The following SH3BP4 variants were observed in gnomAD, a reference collection of about 807,000 sequenced individuals.
SH3BP4 encodes SH3 domain-binding protein 4.
SH3BP4 carries 33 observed loss-of-function variants against 65.5 expected under a neutral mutation model. The ratio of observed to expected loss-of-function variants is 0.50; its 90% CI spans 0.38 to 0.67. The LOEUF (loss-of-function observed/expected upper bound fraction) is 0.67. Among genes scored for constraint, SH3BP4 ranks in the 30% least tolerant of loss-of-function variants. SH3BP4 has a pLI of 0.00. For synonymous variants in SH3BP4, 552 were observed against 545.5 expected, an observed-to-expected ratio of 1.01 and a Z score of -0.17; for missense variants, 1,134 against 1,261.4, an observed-to-expected ratio of 0.90 and a Z score of 1.53.
intron 2 of SH3BP4, among the ~76,000 whole-genome samples, chr2:235,031,998 T>A (rs1695217791): frequency 6.6e-6 from 1 of 152,234 alleles, no homozygotes; most frequent in African/African-American, 2.4e-5. Flanking sequence ...CTGGCATGAA[T>A]GTGAAACCAG....
chr2:234,987,067 C>T (rs1265826381), intron 1 of SH3BP4, among the ~76,000 whole-genome samples: 2 of 152,058 alleles, frequency 1.3e-5, no homozygotes, highest in African/African-American at 2.4e-5. Context: ...CCACCCCGCC[C>T]GGCCTGCTAA....
chr2:235,055,398 T>C lies in SH3BP4; in HGVS notation c.*1582T>C, dbSNP rs921115461. The C allele has an allele frequency of 6.6e-6, 1 of 152,644 alleles. No individual in the cohort carries two copies. Among genetic ancestry groups the C allele is most frequent in the Non-Finnish European group, 1.5e-5 (1 of 68,044 alleles). The allele number at this position is 152,644 out of a possible 1,614,324, so 9.5% of individuals were successfully genotyped here. On this transcript the variant is annotated 3_prime_UTR_variant, in exon 6 of 6. Coordinates refer to ENST00000392011, the MANE Select transcript of SH3BP4 (RefSeq NM_014521.3). ...AGAACAAACATTAGCTATTTTATGC[T>C]GCAAGAACCAGGACACACAATTCGC...
rs935470178 is a variant in SH3BP4, at chr2:234,954,650, T to C, written c.-207+2480T>C. On this transcript the variant is annotated intron_variant, in intron 1 of 5. Transcript: ENST00000392011. ...ATTATTTCCCTCTGGGCTGCTTGAA[T>C]AGACTTTCTTCTTATTCTAATGCTG... Among the ~76,000 whole-genome samples the C allele has an allele frequency of 2.0e-5, 3 of 152,376 alleles. No homozygotes were observed. In the South Asian group the frequency reaches 6.2e-4, roughly 32 times the overall value.
intron 2 of SH3BP4, among the ~76,000 whole-genome samples, chr2:235,028,828 C>T (rs893765665): frequency 1.3e-5 from 2 of 152,114 alleles, no homozygotes; most frequent in African/African-American, 4.8e-5. Context: ...GGGCTGAGAG[C>T]ACTGCATGTG....
Position 234,974,758 on chromosome 2 carries a change from C to T in SH3BP4, c.-206-20545C>T, listed in dbSNP as rs998760585. Among the ~76,000 whole-genome samples, 5 of 152,194 alleles carry T rather than the reference C, an allele frequency of 3.3e-5. No individual in the cohort carries two copies. Among genetic ancestry groups the T allele is most frequent in the African/African-American group, 1.2e-4 (5 of 41,442 alleles). Reference sequence around the variant, plus strand: ...GCCAGCTTCTCTGGCTCCTGTCTGCCTCCTCTTTGTTCCCTGGCTGGTGTT... The same window carrying T: ...GCCAGCTTCTCTGGCTCCTGTCTGCTTCCTCTTTGTTCCCTGGCTGGTGTT... On this transcript the variant is annotated intron_variant, in intron 1 of 5. Coordinates refer to ENST00000392011, the MANE Select transcript of SH3BP4 (RefSeq NM_014521.3). This position sits in a 1 kb window ranked among gnomAD's most constrained non-coding sequence, Gnocchi z 4.6.
Position 235,026,683 on chromosome 2 carries a change from C to G in SH3BP4, c.-132-8188C>G, listed in dbSNP as rs1254999956. The stretch of plus-strand genomic sequence containing the variant: ...TGGCACCCAGGATATGCCCACCTTT[C>G]TCAAACTCAGACTGGAACGTGTGGT... On this transcript the variant is annotated intron_variant, in intron 2 of 5. Coordinates refer to ENST00000392011, the MANE Select transcript of SH3BP4 (RefSeq NM_014521.3). The surrounding 1 kb of genome is among the most constrained non-coding windows in gnomAD (Gnocchi z 4.6). Among the ~76,000 whole-genome samples, 1 of 152,212 alleles carries G rather than the reference C, an allele frequency of 6.6e-6. No individual in the cohort carries two copies. The highest frequency in any genetic ancestry group is 6.5e-5 in the Admixed American group (1 of 15,286).
chr2:234,988,597 C>T (rs1172514519), intron 1 of SH3BP4, among the ~76,000 whole-genome samples: 3 of 152,190 alleles, frequency 2.0e-5, no homozygotes, highest in East Asian at 1.9e-4. Flanking sequence ...ATTGTCCTCC[C>T]GTCTTCACAC....
chr2:235,036,696 A>C (rs1695391329), intron 3 of SH3BP4, among the ~76,000 whole-genome samples: 1 of 149,096 alleles, frequency 6.7e-6, no homozygotes, highest in Admixed American at 6.7e-5. Flanking sequence ...CAGAGGTTGC[A>C]GTGAGCCGAG....
At chr2:234,965,622 CATT>C (rs1415104619) in intron 1 of SH3BP4, among the ~76,000 whole-genome samples, 2 of 152,106 alleles carry the variant, frequency 1.3e-5, no homozygotes, top group African/African-American at 4.8e-5. Context: ...ATTTTTTTGT[CATT>C]AGTCAAATTG....
chr2:234,983,398 C>G (rs368364335), intron 1 of SH3BP4: 3 of 152,276 alleles, frequency 2.0e-5, no homozygotes, highest in Non-Finnish European at 2.9e-5. Flanking sequence ...ATTCATGGAG[C>G]CTGTTCTGGT....
intron 1 of SH3BP4, among the ~76,000 whole-genome samples, chr2:234,964,412 G>A (rs1340508567): frequency 6.6e-6 from 1 of 152,186 alleles, no homozygotes; most frequent in East Asian, 1.9e-4. Flanking sequence ...TGCATTCCGG[G>A]TGGGGGAGAT....
At chr2:235,031,497 C>G (rs1377657247) in intron 2 of SH3BP4, among the ~76,000 whole-genome samples, 3 of 152,218 alleles carry the variant, frequency 2.0e-5, no homozygotes, top group East Asian at 3.9e-4. Flanking sequence ...AGCCAGAGTT[C>G]TCCTCCTCAA....
At chr2:235,021,813 C>A (rs1393201200) in intron 2 of SH3BP4, among the ~76,000 whole-genome samples, 1 of 151,852 alleles carries the variant, frequency 6.6e-6, no homozygotes, top group Non-Finnish European at 1.5e-5. Context: ...ACAGAACAGC[C>A]CCGATTCAGA....
chr2:235,023,044 C>T (rs1347190011), intron 2 of SH3BP4, among the ~76,000 whole-genome samples: 7 of 152,096 alleles, frequency 4.6e-5, no homozygotes, highest in South Asian at 2.1e-4. Flanking sequence ...TTTCATGTAA[C>T]GGCAAAATGA....
chr2:234,969,945 A>C (rs201603494), intron 1 of SH3BP4, among the ~76,000 whole-genome samples: 1 of 147,574 alleles, frequency 6.8e-6, no homozygotes, highest in African/African-American at 2.5e-5. Flanking sequence ...ATACACACAC[A>C]CTCCCTGTCT....
rs554036893 is a variant in SH3BP4 at position 235,030,681 on chromosome 2, G to C, written c.-132-4190G>C. On this transcript the variant is annotated intron_variant, in intron 2 of 5. Transcript: ENST00000392011. This position sits in a 1 kb window ranked among gnomAD's most constrained non-coding sequence, Gnocchi z 4.1. ...GGGGAGAGGATTCTGCTGTAGGAAA[G>C]AGGACAGAGCTGACATCCCAGTGAG... 6.6e-6 allele frequency among the ~76,000 whole-genome samples: 1 copy of C among 152,264 alleles called. No homozygotes were observed.
At chr2:234,961,362 A>C (rs1692710623) in intron 1 of SH3BP4, among the ~76,000 whole-genome samples, 1 of 152,084 alleles carries the variant, frequency 6.6e-6, no homozygotes, top group Non-Finnish European at 1.5e-5. Flanking sequence ...ATCTCCACCC[A>C]CTGAGTTGAA....
intron 4 of SH3BP4, among the ~76,000 whole-genome samples, chr2:235,048,047 ACT>A (rs1239450753): frequency 1.3e-5 from 2 of 151,930 alleles, no homozygotes; most frequent in African/African-American, 2.4e-5. Flanking sequence ...GTGTGAAGGG[ACT>A]CTCTGTGGAT....
intron 3 of SH3BP4, among the ~76,000 whole-genome samples, chr2:235,039,490 A>G (rs532108676): frequency 2.4e-3 from 371 of 151,984 alleles, no homozygotes; most frequent in Middle Eastern, 0.024. Context: ...TTAAAAAAAA[A>G]AAAGAAAGAA....
Sources: allele counts gnomAD v4.1 joint callset (sites outside exome capture counted in the v4.1 genomes callset), GRCh38; gene constraint gnomAD v4.1.1; non-coding constraint Gnocchi (gnomAD v3.1); transcripts MANE v1.5; gene names NCBI Gene and HGNC (gene_info 2026-07-23, HGNC 2026-07-21).